RBM6: variants seen among roughly 807,000 people sequenced by gnomAD.
RBM6 encodes RNA-binding protein 6.
RBM6 carries 23 observed loss-of-function variants against 140.4 expected under a neutral mutation model. The ratio of observed to expected loss-of-function variants is 0.16; its 90% CI spans 0.12 to 0.23. The LOEUF (loss-of-function observed/expected upper bound fraction) is 0.23. Among genes scored for constraint, RBM6 ranks in the 10% least tolerant of loss-of-function variants. The probability of loss-of-function intolerance (pLI) is 1.00; values close to 1 mark genes in which losing one functional copy is unlikely to be tolerated. For missense variants in RBM6, 1,139 were observed against 1,386.7 expected (o/e 0.82, Z 2.84); for synonymous variants, 439 against 475.6 (o/e 0.92, Z 1.00).
chr3:49,962,673 C>G lies in RBM6; in HGVS notation c.32C>G (p.Thr11Ser). The G allele has an allele frequency of 6.3e-7, 1 of 1,575,120 alleles. No individual in the cohort carries two copies. Among genetic ancestry groups the G allele is most frequent in the Non-Finnish European group, 8.6e-7 (1 of 1,167,080 alleles). MWGDSRPANR[T>S]GPFRGSQEER... ...GGGGATTCTCGACCTGCTAACAGAA[C>G]TGGACCTTTTCGGTAAGTTCTCAAA... Residue 11 changes from threonine (T) to serine (S), a missense_variant, in exon 2 of 21, where the codon ACT (threonine) becomes AGT (serine). By Grantham distance (58) the Thr-to-Ser change is moderately conservative. This residue lies in a region of RBM6 where 566 missense variants were observed against 612.7 expected (regional missense o/e 0.92). Coordinates refer to ENST00000266022, the MANE Select transcript of RBM6 (RefSeq NM_005777.3).
At chr3:49,971,821 C>T (rs764713084) in intron 3 of RBM6, among the ~76,000 whole-genome samples, 7 of 152,146 alleles carry the variant, frequency 4.6e-5, no homozygotes, top group Non-Finnish European at 7.3e-5. Context: ...TCTTGTCTCT[C>T]GTAATGTTTT....
chr3:49,967,398 G>A lies in RBM6; in HGVS notation c.45-72G>A. ...TTTACAGAAGAATGTGCTGTGATTAGAGAAGAATATGCTGGTGTGTAGATT... is the reference window on the plus strand; with the variant it reads ...TTTACAGAAGAATGTGCTGTGATTAAAGAAGAATATGCTGGTGTGTAGATT... On this transcript the variant is annotated intron_variant, in intron 2 of 20. Transcript: ENST00000266022. The surrounding 1 kb of genome is among the most constrained non-coding windows in gnomAD (Gnocchi z 4.0). 1.3e-6 allele frequency: 2 copies of A among 1,535,232 alleles called. No homozygotes were observed. Among genetic ancestry groups the A allele is most frequent in the Non-Finnish European group, 1.7e-6 (2 of 1,143,504 alleles).
intron 1 of RBM6, among the ~76,000 whole-genome samples, chr3:49,954,472 A>G (rs1275431386): frequency 6.6e-6 from 1 of 151,908 alleles, no homozygotes; most frequent in Admixed American, 6.6e-5. Flanking sequence ...TGTGAAGACA[A>G]GGTCTCAATA....
At position 49,967,571 on chromosome 3, in the gene RBM6, G is replaced by A; in HGVS notation, c.146G>A (p.Gly49Asp). 6.2e-7 allele frequency: 1 copy of A among 1,614,142 alleles called. No homozygotes were observed. Among genetic ancestry groups the A allele is most frequent in the Non-Finnish European group, 8.5e-7 (1 of 1,180,038 alleles). ...GAGAGACACTCTGGCAACTTTCCTG[G>A]CAGAGATTCACTTCCCTTTGATTTC... ...AQERHSGNFP[G>D]RDSLPFDFQG... Residue 49 changes from glycine to aspartate, a missense_variant, in exon 3 of 21, where the codon GGC (glycine) becomes GAC (aspartate). By Grantham distance (94) the Gly-to-Asp change is moderately conservative. Transcript: ENST00000266022. The surrounding 1 kb of genome is among the most constrained non-coding windows in gnomAD (Gnocchi z 4.0).
chr3:49,963,031 C>T (rs973830157), intron 2 of RBM6: 11 of 158,914 alleles, frequency 6.9e-5, no homozygotes, highest in Non-Finnish European at 1.1e-4. Flanking sequence ...ACCTGGGAGG[C>T]GGAGCTTGCA....
chr3:50,068,207 T>G (rs1472610602), intron 17 of RBM6, among the ~76,000 whole-genome samples: 1 of 152,216 alleles, frequency 6.6e-6, no homozygotes, highest in African/African-American at 2.4e-5. Flanking sequence ...AGAGCTGCTT[T>G]GGACTCCTTA....
At chr3:50,053,944 G>A (rs901676119) in intron 7 of RBM6, 1 of 163,832 alleles carries the variant, frequency 6.1e-6, no homozygotes, top group East Asian at 1.7e-4. Flanking sequence ...TGAATTCTCA[G>A]TTCTAGCCAA....
chr3:50,070,578 C>CT (rs2090270227), intron 19 of RBM6, 26 bp downstream of exon 19: 1 of 1,547,956 alleles, frequency 6.5e-7, no homozygotes, highest in African/African-American at 1.4e-5. Context: ...TTCATTCAGC[C>CT]TAGGCCTCAA....
intron 3 of RBM6, among the ~76,000 whole-genome samples, chr3:49,971,267 G>GAAAA (rs796468371): frequency 1.1e-5 from 1 of 91,664 alleles, no homozygotes; most frequent in Non-Finnish European, 2.3e-5. Context: ...AACTCCATCT[G>GAAAA]AAAAAAAAAA....
At chr3:50,038,811 C>T (rs557219321) in intron 6 of RBM6, among the ~76,000 whole-genome samples, 1 of 152,054 alleles carries the variant, frequency 6.6e-6, no homozygotes, top group African/African-American at 2.4e-5. Context: ...CCAGCCTAGG[C>T]AACAGAGCAA....
intron 1 of RBM6, among the ~76,000 whole-genome samples, chr3:49,950,462 A>T (rs950931403): frequency 2.6e-5 from 4 of 152,224 alleles, no homozygotes; most frequent in Admixed American, 2.6e-4. Context: ...ATTAATCAAG[A>T]GTGAAAGGCA....
At chr3:49,965,910 G>C (rs111520120) in intron 2 of RBM6, among the ~76,000 whole-genome samples, 3,055 of 152,176 alleles carry the variant, frequency 0.02, 103 homozygotes, top group African/African-American at 0.07. Flanking sequence ...TGGCTCACCT[G>C]AGGTCAAGAG....
intron 6 of RBM6, among the ~76,000 whole-genome samples, chr3:50,045,726 C>T (rs2108872317): frequency 6.6e-6 from 1 of 152,168 alleles, no homozygotes; most frequent in South Asian, 2.1e-4. Context: ...TTTTTTGGTT[C>T]CTAGGGCTTA....
intron 1 of RBM6, among the ~76,000 whole-genome samples, chr3:49,947,659 C>A (rs552996114): frequency 6.6e-6 from 1 of 152,092 alleles, no homozygotes; most frequent in African/African-American, 2.4e-5. Flanking sequence ...TATTACCAAT[C>A]GAAAGTCATG....
At chr3:50,009,980 C>A (rs1363130953) in intron 6 of RBM6, among the ~76,000 whole-genome samples, 3 of 152,146 alleles carry the variant, frequency 2.0e-5, no homozygotes, top group Admixed American at 6.6e-5. Flanking sequence ...CCTCTGCCTC[C>A]CGGGTTCCAG....
intron 1 of RBM6, among the ~76,000 whole-genome samples, chr3:49,951,461 C>G (rs1012359021): frequency 1.6e-4 from 24 of 151,990 alleles, no homozygotes; most frequent in African/African-American, 5.5e-4. Context: ...CTCCTGAGCT[C>G]AAGCATCAAG....
At chr3:50,032,607 G>A (rs1241297272) in intron 6 of RBM6, among the ~76,000 whole-genome samples, 2 of 151,790 alleles carry the variant, frequency 1.3e-5, no homozygotes, top group African/African-American at 2.4e-5. Flanking sequence ...TACAGAACTC[G>A]TTTCTCCAAA....
intron 1 of RBM6, among the ~76,000 whole-genome samples, chr3:49,954,119 GA>G (rs766026899): frequency 6.6e-6 from 1 of 151,216 alleles, no homozygotes; most frequent in Non-Finnish European, 1.5e-5. Context: ...TTGGGTGACA[GA>G]GTGAGATAAG....
chr3:49,968,600 A>T lies in RBM6; in HGVS notation c.1175A>T (p.Asp392Val). 6.2e-7 allele frequency: 1 copy of T among 1,614,066 alleles called. No homozygotes were observed. Among genetic ancestry groups the T allele is most frequent in the Non-Finnish European group, 8.5e-7 (1 of 1,180,020 alleles). The change falls in exon 3 of 21, where the codon GAC becomes GTC. Residue 392 changes from aspartate (D) to valine (V), a missense_variant. Asp to Val is a radical substitution (Grantham distance 152). Around this residue, in one of 9 missense-constraint regions of RBM6, gnomAD observed 566 missense variants for 612.7 expected, o/e 0.92. Transcript: ENST00000266022. Reference protein sequence around the residue: ...AGLFKEEGGLDFLGRQDTDYR... With the variant: ...AGLFKEEGGLVFLGRQDTDYR... ...CTGTTTAAAGAAGAAGGCGGTCTGG[A>T]CTTTCTTGGGCGGCAAGACACCGAT...
Sources: allele counts gnomAD v4.1 joint callset (sites outside exome capture counted in the v4.1 genomes callset), GRCh38; gene constraint gnomAD v4.1.1; regional missense constraint gnomAD v4.1.1; non-coding constraint Gnocchi (gnomAD v3.1); transcripts MANE v1.5; gene names NCBI Gene and HGNC (gene_info 2026-07-23, HGNC 2026-07-21).